The following PTPRD variants were observed in gnomAD, a reference collection of about 807,000 sequenced individuals.
PTPRD encodes the protein receptor-type tyrosine-protein phosphatase delta.
PTPRD carries 34 observed loss-of-function variants against 214.5 expected under a neutral mutation model. The observed-to-expected ratio is 0.16, with a 90% confidence interval of 0.12 to 0.21. The LOEUF (loss-of-function observed/expected upper bound fraction) is 0.21, where lower values mean the gene tolerates loss of function less well. PTPRD is among the 10% of genes least tolerant of loss of function. The pLI is 1.00. For synonymous variants in PTPRD, 1,128 were observed against 845.7 expected, an observed-to-expected ratio of 1.33 and a Z score of -5.79; for missense variants, 2,545 against 2,398.7, an observed-to-expected ratio of 1.06 and a Z score of -1.27.
intron 3 of PTPRD, among the ~76,000 whole-genome samples, chr9:10,305,271 G>C (rs1186671427): frequency 6.7e-6 from 1 of 149,406 alleles, no homozygotes. Context: ...ATGGATTAAA[G>C]ACTTAAACGT....
At chr9:8,782,589 C>G (rs1188105978) in intron 11 of PTPRD, among the ~76,000 whole-genome samples, 1 of 140,332 alleles carries the variant, frequency 7.1e-6, no homozygotes. Context: ...AACAGAAATA[C>G]TTAACGCTTT....
chr9:9,462,202 T>C (rs1414358958), intron 8 of PTPRD, among the ~76,000 whole-genome samples: 1 of 152,144 alleles, frequency 6.6e-6, no homozygotes, highest in Non-Finnish European at 1.5e-5. Flanking sequence ...CTTCAAAGTA[T>C]TATATAATTC....
At chr9:10,604,838 C>T (rs149165097) in intron 2 of PTPRD, among the ~76,000 whole-genome samples, 1 of 151,930 alleles carries the variant, frequency 6.6e-6, no homozygotes, top group Admixed American at 6.6e-5. Flanking sequence ...TTTTTCTATA[C>T]TTGTGATGCA....
intron 2 of PTPRD, among the ~76,000 whole-genome samples, chr9:10,341,553 G>T (rs192332080): frequency 1.3e-5 from 2 of 151,908 alleles, no homozygotes; most frequent in Non-Finnish European, 2.9e-5. Flanking sequence ...TTTCAATATT[G>T]TTAAGCATGT....
At chr9:8,572,112 A>T (rs147982437) in intron 14 of PTPRD, among the ~76,000 whole-genome samples, 66 of 152,252 alleles carry the variant, frequency 4.3e-4, no homozygotes, top group African/African-American at 1.5e-3. Flanking sequence ...TAGCACTCAA[A>T]GAGCTCATTT....
intron 12 of PTPRD, among the ~76,000 whole-genome samples, chr9:8,656,503 C>A (rs542093111): frequency 6.6e-6 from 1 of 152,232 alleles, no homozygotes; most frequent in South Asian, 2.1e-4. Flanking sequence ...GAAGCTTCAG[C>A]TTCAGGACCC....
chr9:10,503,899 A>G lies in PTPRD; in HGVS notation c.-600+108499T>C, dbSNP rs559079668. ...TGGGAGGCCGAGGTGGGCGGATCAT[A>G]AGGTCAGGAGATCAAGACCATCCTG... On this transcript the variant is annotated intron_variant, in intron 2 of 45. Coordinates refer to ENST00000381196, the MANE Select transcript of PTPRD (RefSeq NM_002839.4). 1.8e-4 allele frequency among the ~76,000 whole-genome samples: 27 copies of G among 151,484 alleles called. No homozygotes were observed. The South Asian group carries it at 4.0e-3, about 22-fold the overall frequency.
intron 11 of PTPRD, among the ~76,000 whole-genome samples, chr9:8,778,724 G>C (rs67314141): frequency 0.39 from 58,681 of 151,938 alleles, 13,938 homozygotes; most frequent in Non-Finnish European, 0.52. Context: ...GAAACTAGGA[G>C]GCCATGGAGT....
At position 10,486,074 on chromosome 9, in the gene PTPRD, G is replaced by A. The variant is rs902980596; in HGVS notation, c.-600+126324C>T. 3.3e-5 allele frequency among the ~76,000 whole-genome samples: 5 copies of A among 151,436 alleles called. No individual in the cohort carries two copies. The East Asian group carries it at 9.7e-4, about 29-fold the overall frequency. On this transcript the variant is annotated intron_variant, in intron 2 of 45. Transcript: ENST00000381196. ...TTTGTTTCAGTTCCTTGTAAATTCT[G>A]GATATTGGACCTTTATCAGGTGGGT...
chr9:9,099,619 A>T (rs1429117413), intron 10 of PTPRD, among the ~76,000 whole-genome samples: 1 of 152,176 alleles, frequency 6.6e-6, no homozygotes, highest in African/African-American at 2.4e-5. Context: ...ATATTTGCTT[A>T]TAGGATGCAT....
intron 7 of PTPRD, among the ~76,000 whole-genome samples, chr9:9,596,059 G>C (rs1054247913): frequency 1.3e-5 from 2 of 151,926 alleles, no homozygotes; most frequent in African/African-American, 4.8e-5. Context: ...GCAAGAGTTT[G>C]TGTTTAATCA....
chr9:8,321,340 G>T (rs1827234733), intron 44 of PTPRD, among the ~76,000 whole-genome samples: 1 of 151,324 alleles, frequency 6.6e-6, no homozygotes, highest in African/African-American at 2.4e-5. Context: ...AAAAAGAACA[G>T]ACATTGGACT....
At chr9:9,467,085 A>AT (rs71319222) in intron 8 of PTPRD, among the ~76,000 whole-genome samples, 14,564 of 151,768 alleles carry the variant, frequency 0.096, 744 homozygotes, top group South Asian at 0.15. Context: ...CTCAATACCT[A>AT]TTTTTTCATT....
intron 2 of PTPRD, among the ~76,000 whole-genome samples, chr9:10,397,502 T>C (rs879842529): frequency 3.9e-5 from 6 of 152,010 alleles, no homozygotes; most frequent in African/African-American, 4.8e-5. Flanking sequence ...CTAATCATAA[T>C]TGACACAGTT....
At chr9:10,241,502 A>G (rs2154362858) in intron 3 of PTPRD, among the ~76,000 whole-genome samples, 1 of 152,116 alleles carries the variant, frequency 6.6e-6, no homozygotes, top group Non-Finnish European at 1.5e-5. Context: ...CATGCAATGA[A>G]CTACTACTTC....
intron 11 of PTPRD, among the ~76,000 whole-genome samples, chr9:8,824,923 T>C (rs1279966666): frequency 6.6e-6 from 1 of 152,214 alleles, no homozygotes; most frequent in African/African-American, 2.4e-5. Context: ...AGATAAATTA[T>C]GGTAAGACTG....
At chr9:9,777,321 A>G (rs1252440741) in intron 5 of PTPRD, among the ~76,000 whole-genome samples, 1 of 140,818 alleles carries the variant, frequency 7.1e-6, no homozygotes, top group African/African-American at 2.6e-5. Flanking sequence ...ATATGCACAT[A>G]CATGCACACA....
At chr9:9,773,098 T>C (rs1052393722) in intron 5 of PTPRD, among the ~76,000 whole-genome samples, 17 of 152,164 alleles carry the variant, frequency 1.1e-4, no homozygotes. Context: ...GAATATCAAG[T>C]GAATTTTATG....
intron 34 of PTPRD, among the ~76,000 whole-genome samples, chr9:8,447,094 C>G (rs1482003289): frequency 6.6e-6 from 1 of 152,202 alleles, no homozygotes; most frequent in Non-Finnish European, 1.5e-5. Flanking sequence ...GCAAATCAAG[C>G]TTAAGTGAAT....
Sources: allele counts gnomAD v4.1 joint callset (sites outside exome capture counted in the v4.1 genomes callset), GRCh38; gene constraint gnomAD v4.1.1; transcripts MANE v1.5; gene names NCBI Gene and HGNC (gene_info 2026-07-23, HGNC 2026-07-21).